Variants in GYPC observed in about 807,000 individuals in gnomAD.
The protein encoded by GYPC is glycophorin C (Gerbich blood group).
Under a neutral mutation model 12.6 loss-of-function variants are expected in GYPC, and 14 were observed. The ratio of observed to expected loss-of-function variants is 1.11; its 90% CI spans 0.74 to 1.74. The LOEUF is 1.74. GYPC is among the 40% of genes most tolerant of loss of function. The pLI is 0.00. For synonymous variants in GYPC, 78 were observed against 62.1 expected, an observed-to-expected ratio of 1.26 and a Z score of -1.20; for missense variants, 225 against 172.1, an observed-to-expected ratio of 1.31 and a Z score of -1.72.
At chr2:126,665,163 G>T (rs537667640) in intron 1 of GYPC, among the ~76,000 whole-genome samples, 1 of 152,326 alleles carries the variant, frequency 6.6e-6, no homozygotes, top group Non-Finnish European at 1.5e-5. Flanking sequence ...GATGTAGGAA[G>T]AATCTCTATG....
chr2:126,684,960 G>A (rs1251178693), intron 1 of GYPC, among the ~76,000 whole-genome samples: 1 of 152,176 alleles, frequency 6.6e-6, no homozygotes. Flanking sequence ...GTAACTCTGT[G>A]GCTGAATAAA....
intron 1 of GYPC, among the ~76,000 whole-genome samples, chr2:126,674,475 G>A (rs1244589915): frequency 1.3e-5 from 2 of 152,168 alleles, no homozygotes; most frequent in South Asian, 2.1e-4. Context: ...ATACAGGCTC[G>A]GCAAGGCCGC....
intron 1 of GYPC, among the ~76,000 whole-genome samples, chr2:126,672,646 G>T (rs768854171): frequency 5.3e-5 from 8 of 152,156 alleles, no homozygotes; most frequent in Non-Finnish European, 1.2e-4. Context: ...AGCCCTGGAG[G>T]CATCAGCCTC....
chr2:126,656,286 A>G lies in GYPC; in HGVS notation c.23A>G (p.Asn8Ser), dbSNP rs121912760. 134 of 1,602,124 alleles carry G rather than the reference A, an allele frequency of 8.4e-5. No individual in the cohort carries two copies. Among genetic ancestry groups the G allele is most frequent in the Non-Finnish European group, 1.1e-4 (131 of 1,175,998 alleles). ...GGAATGTGGTCGACGAGAAGCCCCA[A>G]CAGCACGGCGTGGCCTCTCAGCCTC... MWSTRSP[N>S]STAWPLSLEP... The change falls in exon 1 of 4, where the codon AAC becomes AGC. Residue 8 changes from asparagine to serine, a missense_variant. Physicochemically the swap from Asn to Ser is conservative, Grantham distance 46 (BLOSUM62 1). Coordinates refer to ENST00000259254, the MANE Select transcript of GYPC (RefSeq NM_002101.5).
intron 1 of GYPC, among the ~76,000 whole-genome samples, chr2:126,674,825 C>T (rs28387145): frequency 6.3e-4 from 96 of 152,324 alleles, no homozygotes; most frequent in African/African-American, 1.7e-3. Context: ...TGAGACAGCA[C>T]ATTTTACCTT....
At position 126,696,002 on chromosome 2, in the gene GYPC, T is replaced by C; in HGVS notation, c.247T>C (p.Tyr83His). The C allele has an allele frequency of 1.2e-6, 2 of 1,614,158 alleles. No individual in the cohort carries two copies. The highest frequency in any genetic ancestry group is 1.7e-6 in the Non-Finnish European group (2 of 1,180,014). The change falls in exon 4 of 4, where the codon TAC becomes CAC. Residue 83 changes from tyrosine (Y) to histidine (H), a missense_variant. Coordinates refer to ENST00000259254, the MANE Select transcript of GYPC (RefSeq NM_002101.5). The stretch of plus-strand genomic sequence containing the variant: ...CTCCCTCCTCTTCGTCATGCTGCGC[T>C]ACATGTACCGGCACAAGGGCACGTA... ...LVSLLFVMLRYMYRHKGTYHT... is the reference protein window; with the variant it reads ...LVSLLFVMLRHMYRHKGTYHT...
intron 1 of GYPC, among the ~76,000 whole-genome samples, chr2:126,677,392 T>C (rs967404443): frequency 3.3e-5 from 5 of 151,342 alleles, no homozygotes; most frequent in African/African-American, 1.2e-4. Flanking sequence ...AGTGTGTTTA[T>C]TAGTGTGTTA....
chr2:126,661,658 G>T (rs1682540601), intron 1 of GYPC, among the ~76,000 whole-genome samples: 1 of 152,112 alleles, frequency 6.6e-6, no homozygotes, highest in Non-Finnish European at 1.5e-5. Context: ...CTCCATGTTG[G>T]TCAGGCTGGT....
chr2:126,663,802 CT>C (rs1430688041), intron 1 of GYPC, among the ~76,000 whole-genome samples: 1 of 152,232 alleles, frequency 6.6e-6, no homozygotes, highest in Non-Finnish European at 1.5e-5. Context: ...TGCCCCTCCC[CT>C]GAGTGTGAAG....
chr2:126,692,487 G>C (rs1294891164), intron 2 of GYPC, among the ~76,000 whole-genome samples: 7 of 152,162 alleles, frequency 4.6e-5, no homozygotes, highest in Non-Finnish European at 4.4e-5. Flanking sequence ...GAGTGGAAAT[G>C]ACTATTATGA....
intron 1 of GYPC, among the ~76,000 whole-genome samples, chr2:126,684,928 G>A (rs563289520): frequency 5.9e-5 from 9 of 152,150 alleles, no homozygotes; most frequent in South Asian, 4.2e-4. Context: ...AGGGGGACGC[G>A]CACCATATTC....
chr2:126,687,272 C>T (rs567347522), intron 1 of GYPC, among the ~76,000 whole-genome samples: 2 of 152,240 alleles, frequency 1.3e-5, no homozygotes, highest in Non-Finnish European at 2.9e-5. Context: ...GATGTCACCG[C>T]TTCTGGAAGC....
rs574167594 is a variant in GYPC at position 126,659,343 on chromosome 2, C to T, written c.49+3031C>T. ...CCCCAGAAGTGAAAGGACATGTCCT[C>T]ATCACATGACGAGTGAGGGGCAGAG... is the stretch of plus-strand genomic sequence containing the variant. On this transcript the variant is annotated intron_variant, in intron 1 of 3. Coordinates refer to ENST00000259254, the MANE Select transcript of GYPC (RefSeq NM_002101.5). Among the ~76,000 whole-genome samples the T allele has an allele frequency of 3.3e-5, 5 of 152,332 alleles. No individual in the cohort carries two copies. In the South Asian group the frequency reaches 8.3e-4, roughly 25 times the overall value.
At chr2:126,664,868 G>A (rs899681673) in intron 1 of GYPC, among the ~76,000 whole-genome samples, 1 of 152,164 alleles carries the variant, frequency 6.6e-6, no homozygotes, top group Non-Finnish European at 1.5e-5. Flanking sequence ...TGCAGGGGCA[G>A]CCTCTACCTC....
chr2:126,686,560 T>C (rs1026293545), intron 1 of GYPC: 3 of 984,782 alleles, frequency 3.0e-6, no homozygotes, highest in South Asian at 4.7e-5. Context: ...CATTCAGCAG[T>C]TGTCATTCAG....
chr2:126,677,953 G>A lies in GYPC; in HGVS notation c.50-12302G>A, dbSNP rs896649412. Among the ~76,000 whole-genome samples, 9 of 152,192 alleles carry A rather than the reference G, an allele frequency of 5.9e-5. No individual in the cohort carries two copies. The South Asian group carries it at 8.3e-4, about 14-fold the overall frequency. ...ATGTCCCCCATCGGCCGGGTGCAGCGGCTCACGCCTGTAATCCCAGCACTT... is the reference window on the plus strand; with the variant it reads ...ATGTCCCCCATCGGCCGGGTGCAGCAGCTCACGCCTGTAATCCCAGCACTT... On this transcript the variant is annotated intron_variant, in intron 1 of 3. Transcript: ENST00000259254.
Position 126,682,624 on chromosome 2 carries a change from G to A in GYPC, c.50-7631G>A, listed in dbSNP as rs191171556. On this transcript the variant is annotated intron_variant, in intron 1 of 3. Coordinates refer to ENST00000259254, the MANE Select transcript of GYPC (RefSeq NM_002101.5). ...ACTTCCGCTGTGAAGATCCCTCAGC[G>A]TGATGAAGATGCAGGGGCAAGTCAG... Among the ~76,000 whole-genome samples, 301 of 152,264 alleles carry A rather than the reference G, an allele frequency of 2.0e-3. 2 individuals carry two copies. Among genetic ancestry groups the A allele is most frequent in the Non-Finnish European group, 3.3e-3 (226 of 68,012 alleles).
At chr2:126,658,029 A>G (rs1176427981) in intron 1 of GYPC, 3 of 152,406 alleles carry the variant, frequency 2.0e-5, no homozygotes, top group Non-Finnish European at 4.4e-5. Context: ...TGCTCTGCTC[A>G]GCTCAGCTGG....
Position 126,673,162 on chromosome 2 carries a change from C to T in GYPC, c.49+16850C>T, listed in dbSNP as rs142861808. 6.6e-3 allele frequency among the ~76,000 whole-genome samples: 1,011 copies of T among 152,168 alleles called. 16 individuals carry two copies. The highest frequency in any genetic ancestry group is 0.023 in the African/African-American group (957 of 41,488). On this transcript the variant is annotated intron_variant, in intron 1 of 3. Transcript: ENST00000259254. Reference sequence around the variant, plus strand: ...AAGCCCTCCAACCCAAGCACAAGGGCTCTTTCTGTGCTCTTTCTGTGTGCC... The same window carrying T: ...AAGCCCTCCAACCCAAGCACAAGGGTTCTTTCTGTGCTCTTTCTGTGTGCC...
Sources: gnomAD v4.1 joint callset for allele counts (sites outside exome capture counted in the v4.1 genomes callset) on GRCh38, gnomAD v4.1.1 for gene constraint, MANE v1.5 for transcripts, NCBI Gene and HGNC (gene_info 2026-07-23, HGNC 2026-07-21) for gene names.